The following EIF4G2 variants were observed in gnomAD, a reference collection of about 807,000 sequenced individuals.
EIF4G2 encodes the protein DAP-5.
EIF4G2 carries 8 observed loss-of-function variants against 117.7 expected under a neutral mutation model. That is an observed-to-expected ratio of 0.07 (90% CI 0.04 to 0.12). The LOEUF (loss-of-function observed/expected upper bound fraction) is 0.12. EIF4G2 is among the 10% of genes least tolerant of loss of function. The pLI, the probability that EIF4G2 is intolerant of heterozygous loss-of-function variation, is 1.00. For missense variants in EIF4G2, 812 were observed against 1,086.2 expected, an observed-to-expected ratio of 0.75 and a Z score of 3.55; for synonymous variants, 413 against 367.8, an observed-to-expected ratio of 1.12 and a Z score of -1.41.
chr11:10,799,161 T>C (rs1002362201), intron 20 of EIF4G2, 48 bp from the exon 21 acceptor site: 46 of 1,606,570 alleles, frequency 2.9e-5, no homozygotes, highest in African/African-American at 2.2e-4. Flanking sequence ...CATTATTTAG[T>C]GTTCTGTTTA....
rs1408578504 is a variant in EIF4G2, at chr11:10,808,763, G to C, written c.-145C>G. The C allele has an allele frequency of 6.0e-6, 1 of 165,624 alleles. No homozygotes were observed. Among genetic ancestry groups the C allele is most frequent in the Non-Finnish European group, 1.3e-5 (1 of 74,778 alleles). The allele number at this position is 165,624 out of a possible 1,614,324, so 10.3% of individuals were successfully genotyped here. On this transcript the variant is annotated 5_prime_UTR_variant, in exon 1 of 22. Coordinates refer to ENST00000339995, the MANE Select transcript of EIF4G2 (RefSeq NM_001418.4). ...TGCCTCCTCAGGATCCGGTCGTCGG[G>C]GATAGGGAAGGGAGGGGAAAGGGGA...
chr11:10,798,732 TAC>T (rs1263055973), intron 21 of EIF4G2: 1 of 306,738 alleles, frequency 3.3e-6, no homozygotes, highest in African/African-American at 2.2e-5. Flanking sequence ...TCGAAACTTG[TAC>T]AGTCACTCCC....
rs1358570862 is a variant in EIF4G2 at position 10,797,938 on chromosome 11, A to G, written c.2659-57T>C. ...TCATGATATAAACAGAAATCCATCC[A>G]AAAAGTTTTAGGTGGTACTACACAG... On this transcript the variant is annotated intron_variant, in intron 21 of 21. Transcript: ENST00000339995. This position sits in a 1 kb window ranked among gnomAD's most constrained non-coding sequence, Gnocchi z 4.5. The G allele has an allele frequency of 1.9e-6, 3 of 1,563,532 alleles. No homozygotes were observed. Among genetic ancestry groups the G allele is most frequent in the Non-Finnish European group, 2.6e-6 (3 of 1,140,298 alleles).
At chr11:10,798,413 GAC>G (rs1847322636) in intron 21 of EIF4G2, among the ~76,000 whole-genome samples, 1 of 151,746 alleles carries the variant, frequency 6.6e-6, no homozygotes, top group Non-Finnish European at 1.5e-5. Context: ...CTTTTTTTGA[GAC>G]ACAGTCTCAC....
At chr11:10,798,810 T>C (rs1263245474) in intron 21 of EIF4G2, 182 bp downstream of exon 21, 19 of 727,764 alleles carry the variant, frequency 2.6e-5, no homozygotes, top group South Asian at 1.1e-4. Flanking sequence ...ACCACTAGAA[T>C]TGATTCATTG....
chr11:10,803,843 G>A lies in EIF4G2; in HGVS notation c.702+56C>T, dbSNP rs1468568384. On this transcript the variant is annotated intron_variant, in intron 8 of 21. Transcript: ENST00000339995. The surrounding 1 kb of genome is among the most constrained non-coding windows in gnomAD (Gnocchi z 4.0). ...CAACCTCCCTCTTAGATGAATAATTGACTCATTTCCTCCAAACGACTGACT... is the reference window on the plus strand; with the variant it reads ...CAACCTCCCTCTTAGATGAATAATTAACTCATTTCCTCCAAACGACTGACT... 1.9e-6 allele frequency: 3 copies of A among 1,561,116 alleles called. No homozygotes were observed. The East Asian group carries it at 6.8e-5, about 35-fold the overall frequency.
chr11:10,800,834 G>T lies in EIF4G2; in HGVS notation c.1541C>A (p.Thr514Lys), dbSNP rs761928767. 2.5e-6 allele frequency: 4 copies of T among 1,613,710 alleles called. No individual in the cohort carries two copies. In the African/African-American group the frequency reaches 5.3e-5, roughly 22 times the overall value. ...ATTAGTTTTGAGACCAAGCTGAGGT[G>T]TCTAAAAAACAAGCAATGACAGACT... The change falls in exon 16 of 22, where the codon ACA (threonine) becomes AAA (lysine). Residue 514 changes from threonine to lysine, a missense_variant and splice_region_variant. Around this residue, in one of 4 missense-constraint regions of EIF4G2, gnomAD observed 571 missense variants for 642.3 expected, o/e 0.89. Transcript: ENST00000339995.
chr11:10,804,443 C>G (rs61874161), intron 5 of EIF4G2, 25 bp from the exon 6 acceptor site: 1 of 1,553,936 alleles, frequency 6.4e-7, no homozygotes, highest in East Asian at 2.3e-5. Flanking sequence ...ATTGCTTAAA[C>G]TAAATATGAA....
chr11:10,808,273 A>C, intron 1 of EIF4G2: 1 of 1,214,122 alleles, frequency 8.2e-7, no homozygotes. Flanking sequence ...CAGGTCCTAC[A>C]CACCTCCCCG....
At chr11:10,799,815 CAG>C in intron 18 of EIF4G2, 59 bp from the exon 19 acceptor site, 1 of 1,550,534 alleles carries the variant, frequency 6.4e-7, no homozygotes, top group Non-Finnish European at 8.7e-7. Context: ...TTGTCCTGTC[CAG>C]AGAGCAGAGC....
intron 14 of EIF4G2, 140 bp from the exon 15 acceptor site, chr11:10,801,227 A>G: frequency 1.6e-6 from 2 of 1,268,342 alleles, no homozygotes; most frequent in Non-Finnish European, 2.1e-6. Flanking sequence ...GGTACTCCAC[A>G]TTAACAGGTT....
intron 17 of EIF4G2, 38 bp downstream of exon 17, chr11:10,800,394 G>GTT: frequency 6.2e-7 from 1 of 1,612,924 alleles, no homozygotes; most frequent in Non-Finnish European, 8.5e-7. Flanking sequence ...AATTTGAGTG[G>GTT]TAAGAGTTCT....
chr11:10,800,016 A>T, intron 18 of EIF4G2, 74 bp downstream of exon 18: 12 of 1,523,846 alleles, frequency 7.9e-6, no homozygotes, highest in Non-Finnish European at 1.1e-5. Context: ...GACCTACATA[A>T]ATCCACTCAA....
chr11:10,802,885 A>G (rs1314401940), intron 11 of EIF4G2, 145 bp downstream of exon 11: 1 of 682,696 alleles, frequency 1.5e-6, no homozygotes. Flanking sequence ...AAAAAATAAA[A>G]GTGGAAGACG....
rs776104498 is a variant in EIF4G2 at position 10,803,051 on chromosome 11, T to C, written c.975A>G (p.Gln325=). ...TTACTTTTACTGCATCTTGACGAAT[T>C]TGATTGATCGTCTTTGGTCCATTGT... is the stretch of plus-strand genomic sequence containing the variant. The change falls in exon 11 of 22, where the codon CAA becomes CAG. Residue 325 remains glutamine, a synonymous_variant. Coordinates refer to ENST00000339995, the MANE Select transcript of EIF4G2 (RefSeq NM_001418.4). This position sits in a 1 kb window ranked among gnomAD's most constrained non-coding sequence, Gnocchi z 4.0. 8.7e-6 allele frequency: 14 copies of C among 1,609,850 alleles called. No individual in the cohort carries two copies. Among genetic ancestry groups the C allele is most frequent in the South Asian group, 1.1e-5 (1 of 90,472 alleles).
intron 1 of EIF4G2, chr11:10,808,032 C>G: frequency 2.9e-6 from 3 of 1,028,714 alleles, no homozygotes; most frequent in Non-Finnish European, 3.5e-6. Flanking sequence ...CCGGGTCGCT[C>G]GACGGGGAGG....
Position 10,803,864 on chromosome 11 carries a change from T to G in EIF4G2, c.702+35A>C, listed in dbSNP as rs1158248205. ...AATTGACTCATTTCCTCCAAACGAC[T>G]GACTACATTCGCCTAACTTCCCTGT... is the stretch of plus-strand genomic sequence containing the variant. On this transcript the variant is annotated intron_variant, in intron 8 of 21. Transcript: ENST00000339995. The surrounding 1 kb of genome is among the most constrained non-coding windows in gnomAD (Gnocchi z 4.0). The G allele has an allele frequency of 1.3e-6, 2 of 1,592,618 alleles. No homozygotes were observed. Among genetic ancestry groups the G allele is most frequent in the South Asian group, 1.1e-5 (1 of 89,306 alleles).
At position 10,797,142 on chromosome 11, in the gene EIF4G2, T is replaced by C. The variant is rs1248313876; in HGVS notation, c.*674A>G. The C allele has an allele frequency of 6.6e-6, 1 of 152,588 alleles. No homozygotes were observed. Among genetic ancestry groups the C allele is most frequent in the Non-Finnish European group, 1.5e-5 (1 of 68,054 alleles). 9.5% of individuals were successfully genotyped at this position (152,588 alleles called of 1,614,324 possible). A position where few individuals can be genotyped will look rare whatever the true frequency, so the allele number is the denominator to read the frequency against. On this transcript the variant is annotated 3_prime_UTR_variant, in exon 22 of 22. Coordinates refer to ENST00000339995, the MANE Select transcript of EIF4G2 (RefSeq NM_001418.4). The surrounding 1 kb of genome is among the most constrained non-coding windows in gnomAD (Gnocchi z 4.5). ...ATAAATTAAGTAGACTTAATTTCAA[T>C]ACTATAATAGGAGGGACCAATTCAA...
In EIF4G2 at chr11:10,806,671, A is replaced by T. The variant is rs1010117791; in HGVS notation, c.107+149T>A. On this transcript the variant is annotated intron_variant, in intron 3 of 21. Transcript: ENST00000339995. ...AAATTTGGCTAAGGAATAATCAGGAACTGATATTCTGTATTTAGGATACCC... is the reference window on the plus strand; with the variant it reads ...AAATTTGGCTAAGGAATAATCAGGATCTGATATTCTGTATTTAGGATACCC... 8 of 763,388 alleles carry T rather than the reference A, an allele frequency of 1.0e-5. No homozygotes were observed. In the African/African-American group the frequency reaches 1.2e-4, roughly 11 times the overall value. 47.3% of individuals were successfully genotyped at this position (763,388 alleles called of 1,614,324 possible).
Sources: allele counts gnomAD v4.1 joint callset (sites outside exome capture counted in the v4.1 genomes callset), GRCh38; gene constraint gnomAD v4.1.1; regional missense constraint gnomAD v4.1.1; non-coding constraint Gnocchi (gnomAD v3.1); transcripts MANE v1.5; gene names NCBI Gene and HGNC (gene_info 2026-07-23, HGNC 2026-07-21).